The following AGAP1 variants were observed in gnomAD, a reference collection of about 807,000 sequenced individuals.
The protein encoded by AGAP1 is arf-GAP with GTPase, ANK repeat and PH domain-containing protein 1.
AGAP1 carries 29 observed loss-of-function variants against 105.3 expected under a neutral mutation model. That is an observed-to-expected ratio of 0.28 (90% CI 0.21 to 0.38). AGAP1 has a LOEUF of 0.38. AGAP1 is among the 10% of genes least tolerant of loss of function. The probability of loss-of-function intolerance (pLI) is 1.00; values close to 1 mark genes in which losing one functional copy is unlikely to be tolerated. For synonymous variants in AGAP1, 509 were observed against 485.9 expected, an observed-to-expected ratio of 1.05 and a Z score of -0.63; for missense variants, 998 against 1,165.1, an observed-to-expected ratio of 0.86 and a Z score of 2.09.
In AGAP1 at chr2:235,875,542, T is replaced by A. The variant is rs1410372414; in HGVS notation, c.1051-7803T>A. ...TACTGTGTGTCGGAACACTTGTGCT[T>A]TGAAGGCTGCGATTGGACACGTGAT... On this transcript the variant is annotated intron_variant, in intron 9 of 17. Transcript: ENST00000304032. The surrounding 1 kb of genome is among the most constrained non-coding windows in gnomAD (Gnocchi z 4.0). 6.6e-6 allele frequency among the ~76,000 whole-genome samples: 1 copy of A among 152,178 alleles called. No homozygotes were observed. The highest frequency in any genetic ancestry group is 1.5e-5 in the Non-Finnish European group (1 of 68,020).
chr2:235,589,734 G>A (rs1335064277), intron 1 of AGAP1, among the ~76,000 whole-genome samples: 2 of 152,232 alleles, frequency 1.3e-5, no homozygotes, highest in South Asian at 2.1e-4. Context: ...ATAATTGGAG[G>A]AAGCAGTGGT....
chr2:235,877,346 A>G lies in AGAP1; in HGVS notation c.1051-5999A>G, dbSNP rs1451146876. Among the ~76,000 whole-genome samples, 1 of 152,184 alleles carries G rather than the reference A, an allele frequency of 6.6e-6. No homozygotes were observed. Among genetic ancestry groups the G allele is most frequent in the East Asian group, 1.9e-4 (1 of 5,198 alleles). ...TACTGTGCATTTAATGTTAAGGATGATGATGTTTTGCTGAAACAAAATGAC... is the reference window on the plus strand; with the variant it reads ...TACTGTGCATTTAATGTTAAGGATGGTGATGTTTTGCTGAAACAAAATGAC... On this transcript the variant is annotated intron_variant, in intron 9 of 17. Coordinates refer to ENST00000304032, the MANE Select transcript of AGAP1 (RefSeq NM_001037131.3). The surrounding 1 kb of genome is among the most constrained non-coding windows in gnomAD (Gnocchi z 4.3).
intron 13 of AGAP1, among the ~76,000 whole-genome samples, chr2:235,984,837 TTATC>T (rs1343955850): frequency 6.6e-6 from 1 of 152,206 alleles, no homozygotes; most frequent in African/African-American, 2.4e-5. Context: ...CACATTTTAT[TTATC>T]TAGTCTGTCA....
chr2:235,656,537 T>G (rs374458427), intron 1 of AGAP1, among the ~76,000 whole-genome samples: 2 of 152,160 alleles, frequency 1.3e-5, no homozygotes, highest in Non-Finnish European at 2.9e-5. Context: ...TGACTCATTC[T>G]CCACCCTGCA....
chr2:235,883,466 C>G lies in AGAP1; in HGVS notation c.1155+17C>G. ...AGTTTACATGTGAGTATAGCCCCCT[C>G]GGAGCAATTAACAGCTGCAGACCTC... On this transcript the variant is annotated intron_variant, in intron 10 of 17. Transcript: ENST00000304032. This position sits in a 1 kb window ranked among gnomAD's most constrained non-coding sequence, Gnocchi z 4.5. 1 of 1,600,692 alleles carries G rather than the reference C, an allele frequency of 6.2e-7. No homozygotes were observed. Among genetic ancestry groups the G allele is most frequent in the Non-Finnish European group, 8.6e-7 (1 of 1,168,926 alleles).
In AGAP1 at chr2:235,888,317, G is replaced by A. The variant is rs1285109857; in HGVS notation, c.1155+4868G>A. Among the ~76,000 whole-genome samples the A allele has an allele frequency of 6.6e-6, 1 of 152,048 alleles. No homozygotes were observed. Among genetic ancestry groups the A allele is most frequent in the Admixed American group, 6.6e-5 (1 of 15,262 alleles). On this transcript the variant is annotated intron_variant, in intron 10 of 17. Coordinates refer to ENST00000304032, the MANE Select transcript of AGAP1 (RefSeq NM_001037131.3). This position sits in a 1 kb window ranked among gnomAD's most constrained non-coding sequence, Gnocchi z 4.8. ...TTGTCTTTCTCCCTCTGTGACACAG[G>A]GATGTTCAGGCATAGTAGCTGATGT...
rs1952484691 is a variant in AGAP1, at chr2:235,740,017, G to A, written c.311-946G>A. On this transcript the variant is annotated intron_variant, in intron 3 of 17. Coordinates refer to ENST00000304032, the MANE Select transcript of AGAP1 (RefSeq NM_001037131.3). This position sits in a 1 kb window ranked among gnomAD's most constrained non-coding sequence, Gnocchi z 5.7. The stretch of plus-strand genomic sequence containing the variant: ...CGGAAGACAAGAGCTGGGAACCGAT[G>A]CGTGCCTTCCCTCTTTAAAACAAGA... Among the ~76,000 whole-genome samples the A allele has an allele frequency of 6.6e-6, 1 of 152,198 alleles. No homozygotes were observed. Among genetic ancestry groups the A allele is most frequent in the Non-Finnish European group, 1.5e-5 (1 of 68,026 alleles).
chr2:236,100,156 A>G (rs1369046562), intron 16 of AGAP1, among the ~76,000 whole-genome samples: 3 of 152,216 alleles, frequency 2.0e-5, no homozygotes, highest in Non-Finnish European at 4.4e-5. Flanking sequence ...GCGTTGGACT[A>G]GGAGACCCCT....
chr2:236,047,895 G>A (rs879423193), intron 15 of AGAP1, among the ~76,000 whole-genome samples: 4 of 151,940 alleles, frequency 2.6e-5, no homozygotes, highest in South Asian at 4.2e-4. Flanking sequence ...AGCCACCACC[G>A]CACCCAGCCT....
intron 16 of AGAP1, chr2:236,049,794 A>G (rs2057841888): frequency 1.3e-5 from 2 of 152,588 alleles, no homozygotes; most frequent in African/African-American, 4.8e-5. Context: ...GTAACTCCTC[A>G]TTAATGTTAA....
rs1271895875 is a variant in AGAP1 at position 235,751,075 on chromosome 2, A to G, written c.673+587A>G. 6.6e-6 allele frequency among the ~76,000 whole-genome samples: 1 copy of G among 152,124 alleles called. No individual in the cohort carries two copies. Among genetic ancestry groups the G allele is most frequent in the Non-Finnish European group, 1.5e-5 (1 of 68,016 alleles). ...AGGAACAGCCACAAATCAGACAGAA[A>G]ATTCTCCTAGGAGAGCATGAGGTTC... is the stretch of plus-strand genomic sequence containing the variant. On this transcript the variant is annotated intron_variant, in intron 6 of 17. Transcript: ENST00000304032. This position sits in a 1 kb window ranked among gnomAD's most constrained non-coding sequence, Gnocchi z 5.3.
intron 1 of AGAP1, among the ~76,000 whole-genome samples, chr2:235,698,351 TCC>T (rs894015065): frequency 3.3e-5 from 5 of 152,196 alleles, no homozygotes; most frequent in African/African-American, 1.2e-4. Flanking sequence ...CCAGTCCACG[TCC>T]CTGCGGTTGG....
At chr2:235,613,774 G>A (rs1342025136) in intron 1 of AGAP1, among the ~76,000 whole-genome samples, 3 of 152,208 alleles carry the variant, frequency 2.0e-5, no homozygotes, top group Non-Finnish European at 4.4e-5. Context: ...ATATTCCTTT[G>A]TGAATGTGCC....
At chr2:236,064,335 A>G (rs1025144638) in intron 16 of AGAP1, among the ~76,000 whole-genome samples, 8 of 152,154 alleles carry the variant, frequency 5.3e-5, no homozygotes, top group African/African-American at 1.9e-4. Context: ...CGCGCCTGTA[A>G]TCCCAGCACT....
chr2:235,702,165 T>C (rs1575168855), intron 1 of AGAP1, among the ~76,000 whole-genome samples: 1 of 152,180 alleles, frequency 6.6e-6, no homozygotes, highest in African/African-American at 2.4e-5. Flanking sequence ...GGGGTGAACG[T>C]GACACGGGAG....
Position 235,877,513 on chromosome 2 carries a change from C to T in AGAP1, c.1051-5832C>T, listed in dbSNP as rs148987611. ...GAGAAATCGTTTCGTGTACAGCATG[C>T]GGTGCCTTCCCCGGGGGTTAACTTG... On this transcript the variant is annotated intron_variant, in intron 9 of 17. Coordinates refer to ENST00000304032, the MANE Select transcript of AGAP1 (RefSeq NM_001037131.3). The surrounding 1 kb of genome is among the most constrained non-coding windows in gnomAD (Gnocchi z 4.3). Among the ~76,000 whole-genome samples the T allele has an allele frequency of 6.0e-3, 911 of 152,144 alleles. 7 individuals are homozygous for T. The highest frequency in any genetic ancestry group is 0.01 in the Non-Finnish European group (702 of 68,006).
chr2:235,711,179 A>T (rs1446950887), intron 2 of AGAP1, among the ~76,000 whole-genome samples: 1 of 152,220 alleles, frequency 6.6e-6, no homozygotes. Flanking sequence ...GAGTGATTGA[A>T]ACGTGGCCAG....
chr2:236,004,466 T>C (rs1559182463), intron 13 of AGAP1, among the ~76,000 whole-genome samples: 1 of 152,186 alleles, frequency 6.6e-6, no homozygotes, highest in Non-Finnish European at 1.5e-5. Context: ...AAGCATACGT[T>C]GTAATCTGTT....
rs1032131496 is a variant in AGAP1, at chr2:235,867,230, A to C, written c.1051-16115A>C. Among the ~76,000 whole-genome samples the C allele has an allele frequency of 1.3e-5, 2 of 152,188 alleles. No homozygotes were observed. The highest frequency in any genetic ancestry group is 2.9e-5 in the Non-Finnish European group (2 of 68,026). ...GTTTCCTGTCCTGTAGCAGTCTTCTATAAAAGGCTGGAGAGGAGGTATGTT... is the reference window on the plus strand; with the variant it reads ...GTTTCCTGTCCTGTAGCAGTCTTCTCTAAAAGGCTGGAGAGGAGGTATGTT... On this transcript the variant is annotated intron_variant, in intron 9 of 17. Coordinates refer to ENST00000304032, the MANE Select transcript of AGAP1 (RefSeq NM_001037131.3). The surrounding 1 kb of genome is among the most constrained non-coding windows in gnomAD (Gnocchi z 5.4).
Sources: allele counts gnomAD v4.1 joint callset (sites outside exome capture counted in the v4.1 genomes callset), GRCh38; gene constraint gnomAD v4.1.1; non-coding constraint Gnocchi (gnomAD v3.1); transcripts MANE v1.5; gene names NCBI Gene and HGNC (gene_info 2026-07-23, HGNC 2026-07-21).